LEF1: variants seen among roughly 807,000 people sequenced by gnomAD.
LEF1 encodes lymphoid enhancer-binding factor 1.
LEF1 carries 14 observed loss-of-function variants against 51.2 expected under a neutral mutation model. That is an observed-to-expected ratio of 0.27 (90% CI 0.18 to 0.43). LEF1 has a LOEUF of 0.43. LEF1 is among the 20% of genes least tolerant of loss of function. LEF1 has a pLI of 1.00. For missense variants in LEF1, 386 were observed against 512.0 expected, an observed-to-expected ratio of 0.75 and a Z score of 2.37; for synonymous variants, 185 against 183.2, an observed-to-expected ratio of 1.01 and a Z score of -0.08.
At chr4:108,078,444 G>A (rs759935356) in intron 7 of LEF1, 62 bp from the exon 8 acceptor site, 3 of 1,607,374 alleles carry the variant, frequency 1.9e-6, no homozygotes, top group South Asian at 1.1e-5. Context: ...AGGGATGGGG[G>A]AGGAGAAAAG....
At chr4:108,160,882 G>A (rs1204300403) in intron 3 of LEF1, among the ~76,000 whole-genome samples, 1 of 152,158 alleles carries the variant, frequency 6.6e-6, no homozygotes, top group Non-Finnish European at 1.5e-5. Context: ...GTTTAGGGAA[G>A]GAGTGGTCAG....
chr4:108,098,982 T>C (rs945310241), intron 3 of LEF1, among the ~76,000 whole-genome samples: 14 of 152,318 alleles, frequency 9.2e-5, no homozygotes, highest in African/African-American at 3.4e-4. Context: ...TCCAATATGG[T>C]AGCCATTAGG....
chr4:108,063,696 T>C lies in LEF1; in HGVS notation c.1166-33A>G, dbSNP rs773184922. ...AAATTGTGTCTTTAACAAATTTTTA[T>C]TGAAGAGGTTTTTGTACATTCCAAA... On this transcript the variant is annotated intron_variant, in intron 10 of 11. Transcript: ENST00000265165. 2.7e-6 allele frequency: 4 copies of C among 1,503,034 alleles called. No homozygotes were observed. The South Asian group carries it at 3.6e-5, about 14-fold the overall frequency. The allele number at this position is 1,503,034 out of a possible 1,614,324, so 93.1% of individuals were successfully genotyped here. A position where few individuals can be genotyped will look rare whatever the true frequency, so the allele number is the denominator to read the frequency against.
chr4:108,116,347 T>A (rs926285752), intron 3 of LEF1, among the ~76,000 whole-genome samples: 1 of 152,052 alleles, frequency 6.6e-6, no homozygotes, highest in African/African-American at 2.4e-5. Flanking sequence ...ACGGTGAAAC[T>A]CCATCTCTAC....
intron 3 of LEF1, among the ~76,000 whole-genome samples, chr4:108,126,480 AT>A (rs998182194): frequency 5.3e-5 from 8 of 152,200 alleles, no homozygotes; most frequent in Admixed American, 3.9e-4. Context: ...TCATTTCCTG[AT>A]TTTTTTATTC....
At chr4:108,091,262 T>C (rs1441075318) in intron 3 of LEF1, among the ~76,000 whole-genome samples, 2 of 152,164 alleles carry the variant, frequency 1.3e-5, no homozygotes, top group East Asian at 3.8e-4. Flanking sequence ...GTATGGTGGC[T>C]GTACCTACGA....
chr4:108,149,276 G>A (rs567430758), intron 3 of LEF1, among the ~76,000 whole-genome samples: 30 of 150,260 alleles, frequency 2.0e-4, no homozygotes, highest in Non-Finnish European at 3.6e-4. Flanking sequence ...TGGCTAACGC[G>A]GTGAAACCCC....
Position 108,167,363 on chromosome 4 carries a change from C to CACACAT in LEF1, c.213+191_213+192insATGTGT, listed in dbSNP as rs1745479429. Among the ~76,000 whole-genome samples, 1 of 144,428 alleles carries CACACAT rather than the reference C, an allele frequency of 6.9e-6. No homozygotes were observed. Among genetic ancestry groups the CACACAT allele is most frequent in the Non-Finnish European group, 1.5e-5 (1 of 66,586 alleles). The allele number at this position is 144,428 out of a possible 152,430, so 94.8% of individuals were successfully genotyped here. On this transcript the variant is annotated intron_variant, in intron 1 of 11. Coordinates refer to ENST00000265165, the MANE Select transcript of LEF1 (RefSeq NM_016269.5). The surrounding 1 kb of genome is among the most constrained non-coding windows in gnomAD (Gnocchi z 5.7). ...CTACCTCCCATCCTACACACACACA[C>CACACAT]ACACACACACACACACACACACACA...
intron 7 of LEF1, among the ~76,000 whole-genome samples, chr4:108,079,077 T>C (rs1345722624): frequency 6.6e-6 from 1 of 152,260 alleles, no homozygotes; most frequent in Non-Finnish European, 1.5e-5. Flanking sequence ...AATTCTGTGC[T>C]GTTGAAGCTT....
intron 3 of LEF1, among the ~76,000 whole-genome samples, chr4:108,099,819 TA>T (rs199911385): frequency 1.9e-4 from 28 of 151,218 alleles, no homozygotes; most frequent in Admixed American, 1.4e-3. Flanking sequence ...TTTTATGGTG[TA>T]AAAAAAATTA....
intron 4 of LEF1, among the ~76,000 whole-genome samples, chr4:108,086,287 A>T (rs1739643023): frequency 6.6e-6 from 1 of 151,936 alleles, no homozygotes; most frequent in African/African-American, 2.4e-5. Flanking sequence ...AGGGGGTCTC[A>T]CTCTGTTGCC....
intron 3 of LEF1, among the ~76,000 whole-genome samples, chr4:108,090,540 A>G (rs952322589): frequency 6.6e-6 from 1 of 152,204 alleles, no homozygotes. Context: ...GTTTAACCTA[A>G]TTAGTAAAAT....
chr4:108,107,504 TTTA>T (rs1379586243), intron 3 of LEF1, among the ~76,000 whole-genome samples: 48 of 100,130 alleles, frequency 4.8e-4, no homozygotes, highest in African/African-American at 1.7e-3. Context: ...AAAGGCTTAT[TTTA>T]TTTTTTTTAA....
chr4:108,103,041 A>G (rs1423930401), intron 3 of LEF1, among the ~76,000 whole-genome samples: 1 of 152,212 alleles, frequency 6.6e-6, no homozygotes, highest in African/African-American at 2.4e-5. Flanking sequence ...CCAAACCATG[A>G]TGCAGCCCAT....
At chr4:108,116,652 G>A (rs770863569) in intron 3 of LEF1, among the ~76,000 whole-genome samples, 1 of 152,206 alleles carries the variant, frequency 6.6e-6, no homozygotes, top group Admixed American at 6.5e-5. Context: ...CCTGAGGGCT[G>A]TCAAGAGTCT....
chr4:108,086,668 A>G (rs373250762), intron 4 of LEF1, among the ~76,000 whole-genome samples: 2 of 152,262 alleles, frequency 1.3e-5, no homozygotes, highest in African/African-American at 4.8e-5. Flanking sequence ...GAGCAAAAGT[A>G]TAAGTATTTG....
intron 3 of LEF1, among the ~76,000 whole-genome samples, chr4:108,095,533 C>T (rs138003345): frequency 6.6e-6 from 1 of 152,130 alleles, no homozygotes; most frequent in African/African-American, 2.4e-5. Context: ...TACCCCCCAA[C>T]CAAGTGAATG....
intron 3 of LEF1, among the ~76,000 whole-genome samples, chr4:108,112,521 C>T (rs1349740602): frequency 1.3e-5 from 2 of 152,218 alleles, no homozygotes; most frequent in Non-Finnish European, 2.9e-5. Flanking sequence ...AACTCTGACA[C>T]TTATTGTACA....
chr4:108,053,259 A>G (rs1167300001), intron 11 of LEF1, among the ~76,000 whole-genome samples: 1 of 152,186 alleles, frequency 6.6e-6, no homozygotes, highest in Non-Finnish European at 1.5e-5. Flanking sequence ...TGGAAATATA[A>G]CCTACAAAAG....
Sources: allele counts gnomAD v4.1 joint callset (sites outside exome capture counted in the v4.1 genomes callset), GRCh38; gene constraint gnomAD v4.1.1; non-coding constraint Gnocchi (gnomAD v3.1); transcripts MANE v1.5; gene names NCBI Gene and HGNC (gene_info 2026-07-23, HGNC 2026-07-21).